The following ADAMTS9 variants were observed in gnomAD, a reference collection of about 807,000 sequenced individuals.
ADAMTS9 encodes A disintegrin and metalloproteinase with thrombospondin motifs 9.
A neutral mutation model predicts 257.1 loss-of-function variants in ADAMTS9; 107 were observed. The ratio of observed to expected loss-of-function variants is 0.42; its 90% CI spans 0.36 to 0.49. The LOEUF (loss-of-function observed/expected upper bound fraction) is 0.49. ADAMTS9 is among the 20% of genes least tolerant of loss of function. ADAMTS9 has a pLI of 0.03. For synonymous variants in ADAMTS9, 982 were observed against 880.9 expected, an observed-to-expected ratio of 1.11 and a Z score of -2.03; for missense variants, 2,353 against 2,469.1, an observed-to-expected ratio of 0.95 and a Z score of 1.00.
chr3:64,616,946 C>T (rs1187090854), intron 19 of ADAMTS9, among the ~76,000 whole-genome samples: 2 of 152,068 alleles, frequency 1.3e-5, no homozygotes, highest in Non-Finnish European at 2.9e-5. Context: ...CAGGGTAGAA[C>T]TCAGGGTAAA....
At chr3:64,538,827 C>T (rs1438852484) in intron 37 of ADAMTS9, among the ~76,000 whole-genome samples, 1 of 151,992 alleles carries the variant, frequency 6.6e-6, no homozygotes, top group Non-Finnish European at 1.5e-5. Flanking sequence ...CAAAGCAGGA[C>T]CTTTTTTTTT....
At chr3:64,680,383 C>T (rs1230055504) in intron 3 of ADAMTS9, among the ~76,000 whole-genome samples, 3 of 152,012 alleles carry the variant, frequency 2.0e-5, no homozygotes, top group Non-Finnish European at 2.9e-5. Context: ...AGTATTTTCA[C>T]GAACATCCTA....
intron 28 of ADAMTS9, among the ~76,000 whole-genome samples, chr3:64,575,400 G>C (rs1473710109): frequency 6.6e-6 from 1 of 152,252 alleles, no homozygotes; most frequent in East Asian, 1.9e-4. Context: ...TTTGGCTCCC[G>C]TCGCAATGGG....
chr3:64,546,355 C>T (rs77351029), intron 32 of ADAMTS9, among the ~76,000 whole-genome samples: 8,434 of 152,116 alleles, frequency 0.055, 327 homozygotes, highest in Non-Finnish European at 0.088. Context: ...GTCATATCGA[C>T]ACTAAAAAAT....
chr3:64,678,061 G>T (rs1046653731), intron 3 of ADAMTS9, among the ~76,000 whole-genome samples: 2 of 152,178 alleles, frequency 1.3e-5, no homozygotes, highest in Non-Finnish European at 2.9e-5. Context: ...CACAGTCATT[G>T]TGTCTTGCCC....
intron 23 of ADAMTS9, among the ~76,000 whole-genome samples, chr3:64,605,405 CAT>C (rs35126868): frequency 0.022 from 3,368 of 152,268 alleles, 234 homozygotes; most frequent in East Asian, 0.2. Context: ...TTATAAGTCA[CAT>C]ATGTTGGTTA....
intron 20 of ADAMTS9, 139 bp downstream of exon 20, chr3:64,615,821 T>C (rs2084751367): frequency 3.9e-6 from 4 of 1,021,224 alleles, no homozygotes; most frequent in African/African-American, 1.6e-5. Flanking sequence ...TCTGGAAAGC[T>C]TGAATGGGGT....
intron 37 of ADAMTS9, among the ~76,000 whole-genome samples, chr3:64,536,498 T>A (rs776690305): frequency 6.6e-6 from 1 of 152,200 alleles, no homozygotes; most frequent in Non-Finnish European, 1.5e-5. Flanking sequence ...CTGTTTTCTG[T>A]TGTACAGGAG....
chr3:64,687,561 T>A lies in ADAMTS9; in HGVS notation c.97A>T (p.Arg33Trp). 6.4e-7 allele frequency: 1 copy of A among 1,557,674 alleles called. No individual in the cohort carries two copies. The highest frequency in any genetic ancestry group is 8.7e-7 in the Non-Finnish European group (1 of 1,151,738). Reference protein sequence around the residue: ...PDAAAAVRKDRLHPRQVKLLE... With the variant: ...PDAAAAVRKDWLHPRQVKLLE... The stretch of plus-strand genomic sequence containing the variant: ...TGGTTACCTTGCCTCGGGTGCAGCC[T>A]GTCCTTGCGCACGGCCGCCGCGGCG... The change falls in exon 1 of 40, where the codon AGG becomes TGG. Residue 33 changes from arginine (R) to tryptophan (W), a missense_variant. Physicochemically the swap from Arg to Trp is moderately radical, Grantham distance 101. Coordinates refer to ENST00000498707, the MANE Select transcript of ADAMTS9 (RefSeq NM_182920.2). The surrounding 1 kb of genome is among the most constrained non-coding windows in gnomAD (Gnocchi z 4.4).
At chr3:64,663,708 G>A (rs1028990180) in intron 3 of ADAMTS9, among the ~76,000 whole-genome samples, 9 of 151,994 alleles carry the variant, frequency 5.9e-5, no homozygotes, top group Non-Finnish European at 8.8e-5. Flanking sequence ...TCTGTGTATC[G>A]AAGAAATAAT....
intron 16 of ADAMTS9, among the ~76,000 whole-genome samples, chr3:64,626,204 G>A (rs949388431): frequency 6.6e-6 from 1 of 152,104 alleles, no homozygotes; most frequent in Non-Finnish European, 1.5e-5. Flanking sequence ...ACTTCTATAA[G>A]GTAGTGTCTA....
intron 11 of ADAMTS9, among the ~76,000 whole-genome samples, chr3:64,642,259 C>T (rs1700665484): frequency 6.6e-6 from 1 of 152,144 alleles, no homozygotes. Context: ...CAATGGCAAG[C>T]TTCAAACCAC....
chr3:64,518,723 A>AC (rs1352535248), intron 39 of ADAMTS9, among the ~76,000 whole-genome samples: 1 of 149,568 alleles, frequency 6.7e-6, no homozygotes, highest in Non-Finnish European at 1.5e-5. Context: ...TTAGTGTAGG[A>AC]CACTCTGAGT....
chr3:64,537,099 G>A (rs1407583785), intron 37 of ADAMTS9, among the ~76,000 whole-genome samples: 1 of 152,170 alleles, frequency 6.6e-6, no homozygotes, highest in East Asian at 1.9e-4. Flanking sequence ...TGCTCAATAT[G>A]TGTCTAAGGA....
At chr3:64,682,850 G>T (rs190166571) in intron 2 of ADAMTS9, among the ~76,000 whole-genome samples, 54 of 152,318 alleles carry the variant, frequency 3.5e-4, no homozygotes, top group African/African-American at 1.3e-3. Context: ...CTAAGACGTT[G>T]GCTCCCCAAA....
intron 10 of ADAMTS9, among the ~76,000 whole-genome samples, chr3:64,649,325 C>A (rs9845903): frequency 2.0e-5 from 3 of 152,030 alleles, no homozygotes; most frequent in African/African-American, 7.2e-5. Flanking sequence ...AAAAGCTGAG[C>A]TCTGTAATTC....
At position 64,651,002 on chromosome 3, in the gene ADAMTS9, A is replaced by ATG; in HGVS notation, c.1463+13_1463+14dup. 6.3e-7 allele frequency: 1 copy of ATG among 1,589,226 alleles called. No individual in the cohort carries two copies. The highest frequency in any genetic ancestry group is 8.5e-7 in the Non-Finnish European group (1 of 1,170,612). ...GGCACTAGAAGTTTGTGCTAAAAGA[A>ATG]TGTTCAAGTCTTACTCTAAAAACTC... On this transcript the variant is annotated intron_variant, in intron 9 of 39. Coordinates refer to ENST00000498707, the MANE Select transcript of ADAMTS9 (RefSeq NM_182920.2).
intron 3 of ADAMTS9, among the ~76,000 whole-genome samples, chr3:64,663,107 G>C (rs560432914): frequency 6.6e-6 from 1 of 152,104 alleles, no homozygotes; most frequent in African/African-American, 2.4e-5. Context: ...ATGGAGTGGG[G>C]AGATGGGAGT....
In ADAMTS9 at chr3:64,539,790, G is replaced by A. The variant is rs148972331; in HGVS notation, c.5522-496C>T. ...GGCAGTATTATTGCCAAAATGTGGC[G>A]CAATTAGAACCCCCATCTTGAAATT... On this transcript the variant is annotated intron_variant, in intron 36 of 39. Transcript: ENST00000498707. Among the ~76,000 whole-genome samples, 81 of 152,252 alleles carry A rather than the reference G, an allele frequency of 5.3e-4. 1 individual carries two copies. The East Asian group carries it at 8.9e-3, about 17-fold the overall frequency.
Sources: allele counts gnomAD v4.1 joint callset (sites outside exome capture counted in the v4.1 genomes callset), GRCh38; gene constraint gnomAD v4.1.1; non-coding constraint Gnocchi (gnomAD v3.1); transcripts MANE v1.5; gene names NCBI Gene and HGNC (gene_info 2026-07-23, HGNC 2026-07-21).